COL4A2: variants seen among roughly 807,000 people sequenced by gnomAD.
The protein encoded by COL4A2 is collagen alpha-2(IV) chain.
Under a neutral mutation model 200.2 loss-of-function variants are expected in COL4A2, and 99 were observed. The ratio of observed to expected loss-of-function variants is 0.49; its 90% CI spans 0.42 to 0.58. The LOEUF (loss-of-function observed/expected upper bound fraction) is 0.58. Among genes scored for constraint, COL4A2 ranks in the 20% least tolerant of loss-of-function variants. COL4A2 has a pLI of 0.00. For missense variants in COL4A2, 1,950 were observed against 2,314.1 expected (o/e 0.84, Z 3.23); for synonymous variants, 897 against 900.6 (o/e 1.00, Z 0.07).
chr13:110,432,510 G>A, intron 11 of COL4A2, 150 bp downstream of exon 11: 1 of 1,011,168 alleles, frequency 9.9e-7, no homozygotes, highest in Non-Finnish European at 1.4e-6. Flanking sequence ...AAGACTTAAT[G>A]TTAAACTCCA....
At position 110,465,981 on chromosome 13, in the gene COL4A2, T is replaced by C. The variant is rs772618888; in HGVS notation, c.1979-22T>C. 3.7e-6 allele frequency: 6 copies of C among 1,610,668 alleles called. No individual in the cohort carries two copies. The South Asian group carries it at 6.6e-5, about 18-fold the overall frequency. On this transcript the variant is annotated intron_variant, in intron 25 of 47. Transcript: ENST00000360467. Reference sequence around the variant, plus strand: ...TATCTGTTTCAAAATTGCCTCACTCTGTCCTTATGTCTTCCCCCCAGATTG... The same window carrying C: ...TATCTGTTTCAAAATTGCCTCACTCCGTCCTTATGTCTTCCCCCCAGATTG...
chr13:110,405,460 C>G (rs371320137), intron 4 of COL4A2, among the ~76,000 whole-genome samples: 123 of 144,642 alleles, frequency 8.5e-4, no homozygotes, highest in African/African-American at 2.9e-3. Context: ...CCTGCCCCTT[C>G]TGGCTTTCTG....
chr13:110,459,099 C>A, intron 22 of COL4A2, 165 bp downstream of exon 22: 2 of 630,396 alleles, frequency 3.2e-6, no homozygotes, highest in Non-Finnish European at 5.0e-6. Flanking sequence ...CCAAGGCGGA[C>A]TTTCTACATG....
chr13:110,325,319 C>A (rs1885378455), intron 3 of COL4A2, among the ~76,000 whole-genome samples: 1 of 152,194 alleles, frequency 6.6e-6, no homozygotes, highest in African/African-American at 2.4e-5. Flanking sequence ...TTCCTCCCCA[C>A]CTGTTACCTC....
At chr13:110,351,708 G>A (rs1876967314) in intron 3 of COL4A2, among the ~76,000 whole-genome samples, 1 of 152,160 alleles carries the variant, frequency 6.6e-6, no homozygotes, top group South Asian at 2.1e-4. Context: ...TTTCTTGAAG[G>A]AGCAGATAAG....
intron 4 of COL4A2, among the ~76,000 whole-genome samples, chr13:110,411,326 A>C (rs1202376645): frequency 3.9e-5 from 6 of 152,254 alleles, no homozygotes; most frequent in African/African-American, 1.4e-4. Context: ...TTCCTAATGC[A>C]GCCTGTTTTC....
At position 110,504,159 on chromosome 13, in the gene COL4A2, G is replaced by A. The variant is rs777115586; in HGVS notation, c.4297G>A (p.Ala1433Thr). Residue 1433 changes from alanine to threonine, a missense_variant, in exon 45 of 48, where the codon GCT becomes ACT. Coordinates refer to ENST00000360467, the MANE Select transcript of COL4A2 (RefSeq NM_001846.4). Reference sequence around the variant, plus strand: ...TTGGTGGCTTGCAGGTTTCCGTGGGGCTCCAGGGAAAGCTGGGCCCCAAGG... The same window carrying A: ...TTGGTGGCTTGCAGGTTTCCGTGGGACTCCAGGGAAAGCTGGGCCCCAAGG... Reference protein sequence around the residue: ...GPPGEPGFRGAPGKAGPQGRG... With the variant: ...GPPGEPGFRGTPGKAGPQGRG... 6 of 1,614,038 alleles carry A rather than the reference G, an allele frequency of 3.7e-6. No homozygotes were observed. The highest frequency in any genetic ancestry group is 1.7e-5 in the Admixed American group (1 of 60,016).
At chr13:110,348,969 A>G (rs1290649187) in intron 3 of COL4A2, among the ~76,000 whole-genome samples, 1 of 152,342 alleles carries the variant, frequency 6.6e-6, no homozygotes, top group African/African-American at 2.4e-5. Context: ...TGCGATTCAT[A>G]TAACTCGATT....
chr13:110,462,128 C>T lies in COL4A2; in HGVS notation c.1611C>T (p.Asn537=). The T allele has an allele frequency of 6.2e-7, 1 of 1,614,262 alleles. No individual in the cohort carries two copies. Among genetic ancestry groups the T allele is most frequent in the South Asian group, 1.1e-5 (1 of 91,092 alleles). The change falls in exon 23 of 48, where the codon AAC becomes AAT. Residue 537 remains asparagine (N), a synonymous_variant. Coordinates refer to ENST00000360467, the MANE Select transcript of COL4A2 (RefSeq NM_001846.4). ...GFPGLKGVPG[N]IGAPGPKGAK... is the part of the protein sequence containing the mutation. ...GTTTTCCACAGGGAGTGCCTGGCAACATTGGTGCTCCCGGACCCAAAGGAG... is the reference window on the plus strand; with the variant it reads ...GTTTTCCACAGGGAGTGCCTGGCAATATTGGTGCTCCCGGACCCAAAGGAG...
In COL4A2 at chr13:110,471,929, G is replaced by A. The variant is rs74836716; in HGVS notation, c.2204-1000G>A. 1.5e-4 allele frequency among the ~76,000 whole-genome samples: 23 copies of A among 152,164 alleles called. No homozygotes were observed. In the East Asian group the frequency reaches 4.4e-3, roughly 29 times the overall value. On this transcript the variant is annotated intron_variant, in intron 28 of 47. Coordinates refer to ENST00000360467, the MANE Select transcript of COL4A2 (RefSeq NM_001846.4). ...AGCGGGGGTGGTGGTGACCTCAGAA[G>A]CCTTTCCTTCTGAGCACTGCGTGAC...
At chr13:110,499,612 G>A (rs9555714) in intron 40 of COL4A2, among the ~76,000 whole-genome samples, 86,002 of 152,048 alleles carry the variant, frequency 0.57, 24,744 homozygotes, top group Middle Eastern at 0.66. Flanking sequence ...GCTGACATTC[G>A]AGCATCAGTT....
intron 3 of COL4A2, among the ~76,000 whole-genome samples, chr13:110,339,452 A>C (rs995078506): frequency 1.3e-5 from 2 of 152,106 alleles, no homozygotes; most frequent in Non-Finnish European, 2.9e-5. Context: ...CTGACCTTGG[A>C]AGCCTGGCCG....
At chr13:110,494,561 G>GA (rs113299398) in intron 39 of COL4A2, among the ~76,000 whole-genome samples, 8 of 151,084 alleles carry the variant, frequency 5.3e-5, no homozygotes, top group Non-Finnish European at 1.0e-4. Flanking sequence ...GTTCAGTGGA[G>GA]AAAAAAAAAT....
chr13:110,458,817 A>C lies in COL4A2; in HGVS notation c.1479A>C (p.Lys493Asn). ...CRCTEGDEAI[K>N]GLPGLPGPKG... Reference sequence around the variant, plus strand: ...GTACAGAAGGCGACGAAGCTATCAAAGGTCTTCCGGGACTGCCAGGACCCA... The same window carrying C: ...GTACAGAAGGCGACGAAGCTATCAACGGTCTTCCGGGACTGCCAGGACCCA... Residue 493 changes from lysine (K) to asparagine (N), a missense_variant, in exon 22 of 48, where the codon AAA (lysine) becomes AAC (asparagine). Lys to Asn is a moderately conservative substitution (Grantham distance 94). This residue lies in a region of COL4A2 where 1,385 missense variants were observed against 1,720.5 expected (regional missense o/e 0.80). Transcript: ENST00000360467. 2 of 1,613,942 alleles carry C rather than the reference A, an allele frequency of 1.2e-6. No individual in the cohort carries two copies. Among genetic ancestry groups the C allele is most frequent in the Non-Finnish European group, 1.7e-6 (2 of 1,179,944 alleles).
At chr13:110,497,214 A>G (rs895577677) in intron 40 of COL4A2, among the ~76,000 whole-genome samples, 3 of 151,680 alleles carry the variant, frequency 2.0e-5, no homozygotes, top group Admixed American at 2.0e-4. Flanking sequence ...TGACTCCACC[A>G]GCACAACGTC....
chr13:110,474,133 AAAAG>A (rs1291523868), intron 29 of COL4A2, among the ~76,000 whole-genome samples: 1 of 50,156 alleles, frequency 2.0e-5, no homozygotes, highest in Non-Finnish European at 4.8e-5. Context: ...TCTCAAAAAG[AAAAG>A]AAAAGAAAAG....
At chr13:110,344,137 G>T (rs181032010) in intron 3 of COL4A2, among the ~76,000 whole-genome samples, 1 of 152,076 alleles carries the variant, frequency 6.6e-6, no homozygotes, top group East Asian at 1.9e-4. Context: ...ATATGTAAGG[G>T]TATTTATTCT....
chr13:110,465,853 G>A lies in COL4A2; in HGVS notation c.1979-150G>A. On this transcript the variant is annotated intron_variant, in intron 25 of 47. Transcript: ENST00000360467. ...AGGCCTTGCCCGGAAGTTCAGAGATGGCTTTCCCGTTCCCTGCCCATTTCA... is the reference window on the plus strand; with the variant it reads ...AGGCCTTGCCCGGAAGTTCAGAGATAGCTTTCCCGTTCCCTGCCCATTTCA... The A allele has an allele frequency of 5.0e-6, 5 of 994,108 alleles. No homozygotes were observed. In the South Asian group the frequency reaches 8.4e-5, roughly 17 times the overall value. The allele number at this position is 994,108 out of a possible 1,614,324, so 61.6% of individuals were successfully genotyped here.
chr13:110,476,937 G>A (rs908653559), intron 29 of COL4A2, among the ~76,000 whole-genome samples: 12 of 152,206 alleles, frequency 7.9e-5, no homozygotes, highest in Admixed American at 5.9e-4. Context: ...CATGTGGAAA[G>A]CAAAATTAAA....
Sources: allele counts gnomAD v4.1 joint callset (sites outside exome capture counted in the v4.1 genomes callset), GRCh38; gene constraint gnomAD v4.1.1; regional missense constraint gnomAD v4.1.1; transcripts MANE v1.5; gene names NCBI Gene and HGNC (gene_info 2026-07-23, HGNC 2026-07-21).